The following DLG2 variants were observed in gnomAD, a reference collection of about 807,000 sequenced individuals.
DLG2 encodes disks large homolog 2.
A neutral mutation model predicts 132.5 loss-of-function variants in DLG2; 45 were observed. The observed-to-expected ratio is 0.34, with a 90% confidence interval of 0.27 to 0.44. DLG2 has a LOEUF of 0.44. DLG2 is among the 20% of genes least tolerant of loss of function. The pLI, the probability that DLG2 is intolerant of heterozygous loss-of-function variation, is 1.00. For missense variants in DLG2, 1,045 were observed against 1,196.9 expected (o/e 0.87, Z 1.87); for synonymous variants, 424 against 419.6 (o/e 1.01, Z -0.13).
intron 6 of DLG2, among the ~76,000 whole-genome samples, chr11:85,036,693 T>A (rs1263767774): frequency 6.6e-6 from 1 of 152,230 alleles, no homozygotes; most frequent in Non-Finnish European, 1.5e-5. Context: ...GCCTACTCTG[T>A]GTACAGCACA....
At chr11:83,977,227 A>G (rs1403222308) in intron 12 of DLG2, among the ~76,000 whole-genome samples, 3 of 152,022 alleles carry the variant, frequency 2.0e-5, no homozygotes, top group Non-Finnish European at 2.9e-5. Context: ...TGCAAAAAGC[A>G]TAAGTCCTTG....
At chr11:84,273,022 A>G in intron 7 of DLG2, 1 of 762,084 alleles carries the variant, frequency 1.3e-6, no homozygotes, top group Non-Finnish European at 1.9e-6. Flanking sequence ...AGCCTGAATG[A>G]GAACTACAGA....
At chr11:85,386,400 G>A (rs971711606) in intron 3 of DLG2, among the ~76,000 whole-genome samples, 1 of 152,066 alleles carries the variant, frequency 6.6e-6, no homozygotes, top group Non-Finnish European at 1.5e-5. Context: ...TTTGAATGTC[G>A]ACACCCTACC....
intron 6 of DLG2, among the ~76,000 whole-genome samples, chr11:84,846,126 T>C (rs1269409981): frequency 6.6e-6 from 1 of 152,114 alleles, no homozygotes; most frequent in Non-Finnish European, 1.5e-5. Flanking sequence ...TCATCTAGAA[T>C]CTTATCCTCT....
At chr11:83,732,936 G>C in intron 18 of DLG2, among the ~76,000 whole-genome samples, 1 of 152,190 alleles carries the variant, frequency 6.6e-6, no homozygotes. Context: ...TGAACACTCA[G>C]AAGTATTTAG....
At chr11:84,273,324 A>AG (rs2097755160) in intron 7 of DLG2, 1 of 1,398,940 alleles carries the variant, frequency 7.1e-7, no homozygotes. Context: ...AAAAAAAAAA[A>AG]AAAAACCCTG....
intron 18 of DLG2, among the ~76,000 whole-genome samples, chr11:83,662,387 G>C (rs1442022822): frequency 6.6e-6 from 1 of 152,134 alleles, no homozygotes; most frequent in African/African-American, 2.4e-5. Context: ...ACGACCCCCA[G>C]CTCTTCTCTC....
chr11:84,623,976 C>A (rs376338535), intron 6 of DLG2, among the ~76,000 whole-genome samples: 11 of 152,214 alleles, frequency 7.2e-5, no homozygotes, highest in African/African-American at 2.6e-4. Flanking sequence ...ATCTTCAATG[C>A]CTTACTAAGT....
intron 6 of DLG2, among the ~76,000 whole-genome samples, chr11:84,688,119 T>TA (rs2099739688): frequency 6.6e-6 from 1 of 152,144 alleles, no homozygotes; most frequent in African/African-American, 2.4e-5. Context: ...CACTGAGCAG[T>TA]AGGAAACAGC....
chr11:84,095,334 T>A (rs1398032404), intron 10 of DLG2, among the ~76,000 whole-genome samples: 1 of 152,168 alleles, frequency 6.6e-6, no homozygotes, highest in Non-Finnish European at 1.5e-5. Context: ...CTCAGTGAAG[T>A]AGGTATTATT....
chr11:84,426,452 A>G (rs1769931731), intron 7 of DLG2, among the ~76,000 whole-genome samples: 1 of 152,162 alleles, frequency 6.6e-6, no homozygotes, highest in Admixed American at 6.5e-5. Context: ...CTAACTGTGC[A>G]TCTTTGGACA....
intron 4 of DLG2, among the ~76,000 whole-genome samples, chr11:85,164,686 T>G (rs1467400794): frequency 2.0e-5 from 3 of 152,178 alleles, no homozygotes; most frequent in Non-Finnish European, 4.4e-5. Flanking sequence ...CCGAATCATT[T>G]AATGAAAAGT....
At chr11:83,949,618 T>C (rs1020049018) in intron 14 of DLG2, among the ~76,000 whole-genome samples, 1 of 152,156 alleles carries the variant, frequency 6.6e-6, no homozygotes, top group South Asian at 2.1e-4. Flanking sequence ...TTAATTAATC[T>C]TTAGCAAATT....
At chr11:84,548,638 C>T (rs1013166307) in intron 6 of DLG2, among the ~76,000 whole-genome samples, 1 of 152,146 alleles carries the variant, frequency 6.6e-6, no homozygotes, top group Non-Finnish European at 1.5e-5. Context: ...GCATAGTATT[C>T]CATGGTGTAT....
At chr11:84,678,500 CTGTAA>C (rs1238998685) in intron 6 of DLG2, among the ~76,000 whole-genome samples, 1 of 152,068 alleles carries the variant, frequency 6.6e-6, no homozygotes, top group Non-Finnish European at 1.5e-5. Context: ...TGCCACTTAA[CTGTAA>C]TGTAAGTTTT....
At chr11:85,386,451 C>T (rs1039098832) in intron 3 of DLG2, among the ~76,000 whole-genome samples, 7 of 152,098 alleles carry the variant, frequency 4.6e-5, no homozygotes, top group African/African-American at 4.8e-5. Context: ...TGACTTCTGA[C>T]GTGCTTTTCT....
chr11:85,412,636 T>C lies in DLG2; in HGVS notation c.41-127271A>G, dbSNP rs183461210. On this transcript the variant is annotated intron_variant, in intron 3 of 27. Coordinates refer to ENST00000376104, the MANE Select transcript of DLG2 (RefSeq NM_001142699.3). ...ATATGATGTTTGGTTTTTCATTCTA[T>C]GTAATTTCACTTAGAATAATAGTCT... 1.1e-4 allele frequency among the ~76,000 whole-genome samples: 17 copies of C among 151,356 alleles called. No individual in the cohort carries two copies. The East Asian group carries it at 1.2e-3, about 10-fold the overall frequency.
At chr11:85,209,309 C>A (rs1306823156) in intron 4 of DLG2, among the ~76,000 whole-genome samples, 1 of 152,008 alleles carries the variant, frequency 6.6e-6, no homozygotes, top group Non-Finnish European at 1.5e-5. Context: ...TTTTTAGCAA[C>A]CTGCCCCAGT....
At chr11:84,295,336 G>A (rs1251003847) in intron 7 of DLG2, among the ~76,000 whole-genome samples, 1 of 152,002 alleles carries the variant, frequency 6.6e-6, no homozygotes, top group Non-Finnish European at 1.5e-5. Flanking sequence ...GTAGTTGTTA[G>A]TATAATTATA....
Sources: gnomAD v4.1 joint callset for allele counts (sites outside exome capture counted in the v4.1 genomes callset) on GRCh38, gnomAD v4.1.1 for gene constraint, MANE v1.5 for transcripts, NCBI Gene and HGNC (gene_info 2026-07-23, HGNC 2026-07-21) for gene names.